Variants in AP3S1 observed in about 807,000 individuals in gnomAD.
AP3S1 encodes the protein adaptor related protein complex 3 subunit sigma 1, also known as AP-3 complex subunit sigma-1.
Under a neutral mutation model 21.3 loss-of-function variants are expected in AP3S1, and 12 were observed. The observed-to-expected ratio is 0.56, with a 90% CI of 0.36 to 0.91. AP3S1 has a LOEUF of 0.91. Ranked by LOEUF, AP3S1 falls within the 40% of genes least tolerant of loss-of-function variation. The pLI, the probability that AP3S1 is intolerant of heterozygous loss-of-function variation, is 0.01. For synonymous variants in AP3S1, 48 were observed against 78.4 expected (o/e 0.61, Z 2.05); for missense variants, 116 against 225.0 (o/e 0.52, Z 3.10).
chr5:115,911,809 A>G (rs1352840602), intron 5 of AP3S1, among the ~76,000 whole-genome samples: 1 of 151,982 alleles, frequency 6.6e-6, no homozygotes, highest in Non-Finnish European at 1.5e-5. Flanking sequence ...GGGGGTAACA[A>G]AAACTTCATT....
intron 3 of AP3S1, among the ~76,000 whole-genome samples, chr5:115,872,512 A>T (rs535176569): frequency 1.3e-5 from 2 of 152,108 alleles, no homozygotes; most frequent in Non-Finnish European, 1.5e-5. Context: ...GAACGTAAAC[A>T]TGTATATATT....
intron 1 of AP3S1, among the ~76,000 whole-genome samples, chr5:115,844,528 G>C (rs1371770510): frequency 6.6e-6 from 1 of 152,192 alleles, no homozygotes; most frequent in Non-Finnish European, 1.5e-5. Flanking sequence ...GGTAGAAGGA[G>C]CAGCAAATGC....
chr5:115,896,396 C>T (rs1364578042), intron 4 of AP3S1, among the ~76,000 whole-genome samples: 2 of 152,136 alleles, frequency 1.3e-5, no homozygotes, highest in African/African-American at 2.4e-5. Context: ...TAATGTTCTA[C>T]TGTTTTTCTC....
At chr5:115,891,122 G>A (rs1750261671) in intron 3 of AP3S1, among the ~76,000 whole-genome samples, 1 of 152,138 alleles carries the variant, frequency 6.6e-6, no homozygotes, top group Non-Finnish European at 1.5e-5. Flanking sequence ...GCCTTGAGGA[G>A]AAATAGATAA....
At chr5:115,912,512 C>T (rs1056556929) in intron 5 of AP3S1, among the ~76,000 whole-genome samples, 1 of 151,944 alleles carries the variant, frequency 6.6e-6, no homozygotes, top group Non-Finnish European at 1.5e-5. Flanking sequence ...TACAAATGTT[C>T]CTACTAATAG....
In AP3S1 at chr5:115,879,560, G is replaced by GT. The variant is rs368504815; in HGVS notation, c.273+9434dup. On this transcript the variant is annotated intron_variant, in intron 3 of 5. Transcript: ENST00000316788. Reference sequence around the variant, plus strand: ...CCAGGGATGAAGCCGACTTGATTGTGTTGGATAAGCTTTTTGATGTGCTGC... The same window carrying GT: ...CCAGGGATGAAGCCGACTTGATTGTGTTTGGATAAGCTTTTTGATGTGCTGC... 5.3e-3 allele frequency among the ~76,000 whole-genome samples: 809 copies of GT among 152,282 alleles called. 6 individuals carry two copies. Among genetic ancestry groups the GT allele is most frequent in the African/African-American group, 0.019 (779 of 41,546 alleles).
rs760270460 is a variant in AP3S1, at chr5:115,895,183, A to G, written c.345+25A>G. 38 of 1,493,042 alleles carry G rather than the reference A, an allele frequency of 2.5e-5. No individual in the cohort carries two copies. The African/African-American group carries it at 5.1e-4, about 20-fold the overall frequency. The allele number at this position is 1,493,042 out of a possible 1,614,324, so 92.5% of individuals were successfully genotyped here. Reference sequence around the variant, plus strand: ...GGTACTATTTGTATTGTCACATCTAAGCTTTTTAAGAAAAACATTAACTTA... The same window carrying G: ...GGTACTATTTGTATTGTCACATCTAGGCTTTTTAAGAAAAACATTAACTTA... On this transcript the variant is annotated intron_variant, in intron 4 of 5. Coordinates refer to ENST00000316788, the MANE Select transcript of AP3S1 (RefSeq NM_001284.4).
At chr5:115,885,779 T>C (rs1305877579) in intron 3 of AP3S1, among the ~76,000 whole-genome samples, 2 of 152,232 alleles carry the variant, frequency 1.3e-5, no homozygotes, top group Non-Finnish European at 2.9e-5. Flanking sequence ...TATTTTGTTC[T>C]CCTTAAATTT....
intron 2 of AP3S1, among the ~76,000 whole-genome samples, chr5:115,869,682 G>A (rs1197829513): frequency 6.6e-6 from 1 of 152,100 alleles, no homozygotes; most frequent in Non-Finnish European, 1.5e-5. Context: ...TATTTTGATT[G>A]TCAGTGTAAC....
chr5:115,913,090 T>A (rs546604135), intron 5 of AP3S1, among the ~76,000 whole-genome samples: 1 of 152,190 alleles, frequency 6.6e-6, no homozygotes, highest in Non-Finnish European at 1.5e-5. Flanking sequence ...GGTTTTATCA[T>A]GTGAATATTG....
In AP3S1 at chr5:115,899,377, G is replaced by A. The variant is rs541116138; in HGVS notation, c.346-3508G>A. Among the ~76,000 whole-genome samples the A allele has an allele frequency of 1.2e-4, 19 of 152,314 alleles. 1 individual carries two copies. The South Asian group carries it at 3.9e-3, about 32-fold the overall frequency. ...TCTGAACAAGAGAGATTAACAGATTGAACAATCAGAAATTACGCTCCATGG... is the reference window on the plus strand; with the variant it reads ...TCTGAACAAGAGAGATTAACAGATTAAACAATCAGAAATTACGCTCCATGG... On this transcript the variant is annotated intron_variant, in intron 4 of 5. Coordinates refer to ENST00000316788, the MANE Select transcript of AP3S1 (RefSeq NM_001284.4).
At chr5:115,873,137 G>A (rs2112848112) in intron 3 of AP3S1, among the ~76,000 whole-genome samples, 1 of 152,266 alleles carries the variant, frequency 6.6e-6, no homozygotes, top group Non-Finnish European at 1.5e-5. Context: ...CTGAGATTAA[G>A]TCATCACCAT....
chr5:115,900,551 C>T (rs138900211), intron 4 of AP3S1, among the ~76,000 whole-genome samples: 148 of 152,186 alleles, frequency 9.7e-4, no homozygotes, highest in Middle Eastern at 3.4e-3. Context: ...TTTTTGTTGG[C>T]GATGGTATAT....
intron 1 of AP3S1, among the ~76,000 whole-genome samples, chr5:115,851,810 TTAA>T (rs1325198634): frequency 7.2e-5 from 11 of 152,138 alleles, no homozygotes; most frequent in Non-Finnish European, 2.9e-5. Flanking sequence ...ACACAACTGT[TTAA>T]TGAGATTTAA....
In AP3S1 at chr5:115,869,845, A is replaced by G. The variant is rs186506292; in HGVS notation, c.162-172A>G. 2.0e-5 allele frequency among the ~76,000 whole-genome samples: 3 copies of G among 152,342 alleles called. No individual in the cohort carries two copies. The East Asian group carries it at 5.8e-4, about 29-fold the overall frequency. ...TTCTTTTACTTGATGTTTCTGAAGA[A>G]AACAGCCACCTTAATTCACCTAGTC... On this transcript the variant is annotated intron_variant, in intron 2 of 5. Transcript: ENST00000316788.
At chr5:115,870,233 A>C (rs1748106663) in intron 3 of AP3S1, 105 bp downstream of exon 3, 1 of 684,770 alleles carries the variant, frequency 1.5e-6, no homozygotes, top group African/African-American at 1.8e-5. Context: ...GTAAGAAATA[A>C]AGCATTTCAT....
At chr5:115,845,210 T>G (rs184044768) in intron 1 of AP3S1, among the ~76,000 whole-genome samples, 4 of 152,334 alleles carry the variant, frequency 2.6e-5, no homozygotes, top group African/African-American at 7.2e-5. Context: ...TCTAGAGGTG[T>G]GACTGAGCTA....
At chr5:115,858,824 A>T (rs147567618) in intron 1 of AP3S1, among the ~76,000 whole-genome samples, 1,545 of 145,592 alleles carry the variant, frequency 0.011, 21 homozygotes, top group African/African-American at 0.037. Context: ...ATCTTTTCTT[A>T]CTTCTCTTAT....
chr5:115,850,668 A>G (rs936405352), intron 1 of AP3S1, among the ~76,000 whole-genome samples: 2 of 152,170 alleles, frequency 1.3e-5, no homozygotes, highest in African/African-American at 4.8e-5. Flanking sequence ...AAGTTCACTC[A>G]TGTTATGTAG....
Sources: allele counts gnomAD v4.1 joint callset (sites outside exome capture counted in the v4.1 genomes callset), GRCh38; gene constraint gnomAD v4.1.1; transcripts MANE v1.5; gene names NCBI Gene and HGNC (gene_info 2026-07-23, HGNC 2026-07-21).